The following SEC24D variants were observed in gnomAD, a reference collection of about 807,000 sequenced individuals.
SEC24D encodes SEC24 homolog D, COPII component.
A neutral mutation model predicts 116.9 loss-of-function variants in SEC24D; 69 were observed. That is an observed-to-expected ratio of 0.59 (90% CI 0.49 to 0.72). SEC24D has a LOEUF of 0.72. Ranked by LOEUF, SEC24D falls within the 30% of genes least tolerant of loss-of-function variation. SEC24D has a pLI of 0.00. For synonymous variants in SEC24D, 405 were observed against 442.8 expected, an observed-to-expected ratio of 0.91 and a Z score of 1.07; for missense variants, 1,131 against 1,264.1, an observed-to-expected ratio of 0.89 and a Z score of 1.60.
chr4:118,730,157 T>C (rs1466548977), intron 21 of SEC24D: 1 of 152,246 alleles, frequency 6.6e-6, no homozygotes, highest in Non-Finnish European at 1.5e-5. Context: ...GCATTTACTA[T>C]GTCAATATAT....
At position 118,793,394 on chromosome 4, in the gene SEC24D, G is replaced by C. The variant is rs866822331; in HGVS notation, c.1041+4289C>G. ...AGGCAGGAGAATGGCGTGAACCCGG[G>C]AGGCGGAGCTTGCAGTGAGCCGAGA... On this transcript the variant is annotated intron_variant, in intron 8 of 22. Coordinates refer to ENST00000280551, the MANE Select transcript of SEC24D (RefSeq NM_014822.4). Among the ~76,000 whole-genome samples the C allele has an allele frequency of 2.8e-4, 42 of 148,594 alleles. No individual in the cohort carries two copies. The Middle Eastern group carries it at 0.01, about 37-fold the overall frequency.
At chr4:118,829,552 C>A (rs1203721457) in intron 2 of SEC24D, among the ~76,000 whole-genome samples, 3 of 152,068 alleles carry the variant, frequency 2.0e-5, no homozygotes, top group African/African-American at 7.2e-5. Flanking sequence ...GTGGCTCATG[C>A]CTATAATCCC....
At chr4:118,751,059 G>A (rs1305155056) in intron 13 of SEC24D, among the ~76,000 whole-genome samples, 1 of 150,446 alleles carries the variant, frequency 6.6e-6, no homozygotes, top group Admixed American at 6.6e-5. Context: ...TATGTTAAAA[G>A]TTAATTTAAA....
chr4:118,739,024 G>T, intron 18 of SEC24D, 125 bp downstream of exon 18: 1 of 842,412 alleles, frequency 1.2e-6, no homozygotes, highest in Admixed American at 2.2e-5. Flanking sequence ...CTCAGCCTTT[G>T]CTTTTATTAG....
Position 118,810,126 on chromosome 4 carries a change from GTGTGTGTGTGT to G in SEC24D, c.802-4183_802-4173del, listed in dbSNP as rs1560737202. Among the ~76,000 whole-genome samples the G allele has an allele frequency of 5.3e-3, 669 of 126,574 alleles. 15 individuals are homozygous for G. Among genetic ancestry groups the G allele is most frequent in the Admixed American group, 0.016 (175 of 10,882 alleles). 83.0% of individuals were successfully genotyped at this position (126,574 alleles called of 152,430 possible). A position where few individuals can be genotyped will look rare whatever the true frequency, so the allele number is the denominator to read the frequency against. The stretch of plus-strand genomic sequence containing the variant: ...TGTGTGTGTGTGTGTGTGTGTGTGT[GTGTGTGTGTGT>G]CAGAGGGTATAGGGGAGCCAGGGGT... On this transcript the variant is annotated intron_variant, in intron 6 of 22. Coordinates refer to ENST00000280551, the MANE Select transcript of SEC24D (RefSeq NM_014822.4).
At chr4:118,725,985 CTA>C (rs1382276917) in intron 22 of SEC24D, among the ~76,000 whole-genome samples, 1 of 152,122 alleles carries the variant, frequency 6.6e-6, no homozygotes, top group African/African-American at 2.4e-5. Flanking sequence ...GGGGATGGCC[CTA>C]TAGAGTAGGA....
intron 13 of SEC24D, among the ~76,000 whole-genome samples, chr4:118,748,416 TTATA>T (rs1726653667): frequency 6.6e-6 from 1 of 152,298 alleles, no homozygotes; most frequent in South Asian, 2.1e-4. Flanking sequence ...AAACACACAA[TTATA>T]TAGTCTTTTA....
chr4:118,774,805 G>A (rs763540717), intron 8 of SEC24D, among the ~76,000 whole-genome samples: 1 of 151,974 alleles, frequency 6.6e-6, no homozygotes, highest in Non-Finnish European at 1.5e-5. Flanking sequence ...CTCCCCATAA[G>A]CTCCTTCTCC....
At chr4:118,801,754 A>G (rs948056719) in intron 7 of SEC24D, among the ~76,000 whole-genome samples, 3 of 152,238 alleles carry the variant, frequency 2.0e-5, no homozygotes, top group African/African-American at 7.2e-5. Flanking sequence ...GTGACTAAAC[A>G]AATGCTTCGT....
intron 2 of SEC24D, among the ~76,000 whole-genome samples, chr4:118,827,323 T>C (rs1034309940): frequency 6.6e-6 from 1 of 152,220 alleles, no homozygotes; most frequent in Admixed American, 6.5e-5. Context: ...AGCCATGTTA[T>C]TGGCATTTTC....
intron 13 of SEC24D, among the ~76,000 whole-genome samples, chr4:118,751,150 GTAA>G (rs1726803545): frequency 6.9e-6 from 1 of 144,704 alleles, no homozygotes; most frequent in African/African-American, 2.5e-5. Flanking sequence ...TTGTGTTAAG[GTAA>G]TAATGATGAT....
At position 118,743,998 on chromosome 4, in the gene SEC24D, T is replaced by C. The variant is rs777527945; in HGVS notation, c.1985A>G (p.Asn662Ser). The part of the protein sequence containing the change: ...QLTGGTLYKY[N>S]NFQMHLDRQQ... ...ATTGCTGGCATTTACCTGGAAATTG[T>C]TGTATTTGTAAAGGGTTCCTCCAGT... Residue 662 changes from asparagine to serine, a missense_variant, in exon 15 of 23, where the codon AAC becomes AGC. Physicochemically the swap from Asn to Ser is conservative, Grantham distance 46. Transcript: ENST00000280551. 28 of 1,595,966 alleles carry C rather than the reference T, an allele frequency of 1.8e-5. No homozygotes were observed. Among genetic ancestry groups the C allele is most frequent in the African/African-American group, 6.8e-5 (5 of 73,928 alleles).
chr4:118,829,415 G>T (rs1481014779), intron 2 of SEC24D, among the ~76,000 whole-genome samples: 5 of 152,090 alleles, frequency 3.3e-5, no homozygotes, highest in African/African-American at 1.2e-4. Flanking sequence ...GGGAAGCTGG[G>T]GCAGGAGGAT....
At chr4:118,751,898 T>A (rs1295255033) in intron 13 of SEC24D, 98 bp downstream of exon 13, 6 of 868,828 alleles carry the variant, frequency 6.9e-6, no homozygotes, top group Non-Finnish European at 7.4e-6. Context: ...CACGTTTTAA[T>A]GAAGACTGTC....
intron 8 of SEC24D, among the ~76,000 whole-genome samples, chr4:118,782,963 G>A (rs866215015): frequency 6.6e-5 from 10 of 152,114 alleles, no homozygotes; most frequent in Non-Finnish European, 1.2e-4. Flanking sequence ...TTGGAAAAGC[G>A]CAGTATTTTG....
chr4:118,812,830 G>A (rs760858989), intron 6 of SEC24D, among the ~76,000 whole-genome samples: 4 of 152,128 alleles, frequency 2.6e-5, no homozygotes, highest in Non-Finnish European at 5.9e-5. Flanking sequence ...GTTAATACAA[G>A]TCACCTATAG....
rs377760410 is a variant in SEC24D, at chr4:118,794,947, AC to A, written c.1041+2735del. Among the ~76,000 whole-genome samples the A allele has an allele frequency of 5.3e-3, 807 of 152,128 alleles. 3 individuals carry two copies. The highest frequency in any genetic ancestry group is 6.4e-3 in the Non-Finnish European group (438 of 68,012). On this transcript the variant is annotated intron_variant, in intron 8 of 22. Coordinates refer to ENST00000280551, the MANE Select transcript of SEC24D (RefSeq NM_014822.4). ...ACCATTCTATCATTTACATTTACAT[AC>A]TTTTTTTTTGAAGGATAGATAGTTA... is the stretch of plus-strand genomic sequence containing the variant.
At chr4:118,735,669 C>G (rs1725920963) in intron 19 of SEC24D, 1 of 149,920 alleles carries the variant, frequency 6.7e-6, no homozygotes, top group Non-Finnish European at 1.5e-5. Context: ...CTTATGTAAG[C>G]CTTATAAGCC....
At chr4:118,790,212 G>C (rs1329314773) in intron 8 of SEC24D, among the ~76,000 whole-genome samples, 1 of 152,140 alleles carries the variant, frequency 6.6e-6, no homozygotes, top group African/African-American at 2.4e-5. Flanking sequence ...AAATTACTTT[G>C]ACTACTATAT....
Sources: allele counts gnomAD v4.1 joint callset (sites outside exome capture counted in the v4.1 genomes callset), GRCh38; gene constraint gnomAD v4.1.1; transcripts MANE v1.5; gene names NCBI Gene and HGNC (gene_info 2026-07-23, HGNC 2026-07-21).